ESRRB: variants seen among roughly 807,000 people sequenced by gnomAD.
ESRRB encodes the protein steroid hormone receptor ERR2.
Under a neutral mutation model 46.0 loss-of-function variants are expected in ESRRB, and 16 were observed. The observed-to-expected ratio is 0.35, with a 90% CI of 0.24 to 0.53. The LOEUF is 0.53. Ranked by LOEUF, ESRRB falls within the 20% of genes least tolerant of loss-of-function variation. ESRRB has a pLI of 0.93. For synonymous variants in ESRRB, 246 were observed against 259.6 expected, an observed-to-expected ratio of 0.95 and a Z score of 0.50; for missense variants, 488 against 607.4, an observed-to-expected ratio of 0.80 and a Z score of 2.07.
At chr14:76,377,344 C>T (rs1434146019) in intron 1 of ESRRB, among the ~76,000 whole-genome samples, 3 of 152,130 alleles carry the variant, frequency 2.0e-5, no homozygotes, top group Non-Finnish European at 4.4e-5. Flanking sequence ...TCGGGGATCC[C>T]ACTCTATCCA....
intron 3 of ESRRB, among the ~76,000 whole-genome samples, chr14:76,464,505 C>T (rs1165972931): frequency 2.6e-5 from 4 of 152,314 alleles, no homozygotes; most frequent in East Asian, 3.9e-4. Flanking sequence ...AGGCCCTCGG[C>T]GGCCTTTGTG....
At chr14:76,373,837 G>A (rs1477500739), upstream of ESRRB, among the ~76,000 whole-genome samples, 1 of 152,210 alleles carries the variant, frequency 6.6e-6, no homozygotes, top group Admixed American at 6.5e-5. Context: ...TAGAGGCAGA[G>A]AATAATAGTA....
chr14:76,396,980 C>T (rs1045661930), intron 1 of ESRRB, among the ~76,000 whole-genome samples: 13 of 152,178 alleles, frequency 8.5e-5, no homozygotes, highest in African/African-American at 2.9e-4. Flanking sequence ...TGTGTCTCTG[C>T]GGCCTCTCCT....
intron 1 of ESRRB, among the ~76,000 whole-genome samples, chr14:76,382,742 C>T (rs1043859583): frequency 2.2e-4 from 33 of 152,162 alleles, no homozygotes; most frequent in African/African-American, 7.2e-4. Flanking sequence ...TTGTATAAAT[C>T]TAAAACAAAA....
chr14:76,381,874 AC>A (rs982519726), intron 1 of ESRRB, among the ~76,000 whole-genome samples: 4 of 152,164 alleles, frequency 2.6e-5, no homozygotes, highest in African/African-American at 7.2e-5. Flanking sequence ...ACAAAAGGAC[AC>A]AAAAACACCA....
chr14:76,354,228 C>A (rs1360492783), intron 1 of ESRRB, among the ~76,000 whole-genome samples: 1 of 96,984 alleles, frequency 1.0e-5, no homozygotes, highest in South Asian at 5.4e-4. Context: ...CTACCCGCCC[C>A]CCCCCCCACC....
In ESRRB at chr14:76,500,122, C is replaced by T. The variant is rs1890608474; in HGVS notation, c.*1664C>T. On this transcript the variant is annotated 3_prime_UTR_variant, in exon 7 of 7. Transcript: ENST00000644823. ...CTGGTCCCACCTCCTTGGCTCTACCCCAGGAACCTCCCGGCCTGGGCTTCT... is the reference window on the plus strand; with the variant it reads ...CTGGTCCCACCTCCTTGGCTCTACCTCAGGAACCTCCCGGCCTGGGCTTCT... 7 of 1,440,736 alleles carry T rather than the reference C, an allele frequency of 4.9e-6. No homozygotes were observed. The highest frequency in any genetic ancestry group is 3.9e-5 in the South Asian group (3 of 77,186). 89.2% of individuals were successfully genotyped at this position (1,440,736 alleles called of 1,614,324 possible). A position where few individuals can be genotyped will look rare whatever the true frequency, so the allele number is the denominator to read the frequency against.
chr14:76,403,027 G>A (rs1886009634), intron 1 of ESRRB, among the ~76,000 whole-genome samples: 1 of 152,118 alleles, frequency 6.6e-6, no homozygotes, highest in South Asian at 2.1e-4. Flanking sequence ...CTGGGCTCAA[G>A]CAATCTTCCT....
chr14:76,480,206 C>G (rs1213188349), intron 3 of ESRRB, among the ~76,000 whole-genome samples: 1 of 152,148 alleles, frequency 6.6e-6, no homozygotes, highest in Non-Finnish European at 1.5e-5. Flanking sequence ...GCTGAGTAGA[C>G]TCCCCCTCTC....
chr14:76,419,681 G>A (rs988422831), intron 1 of ESRRB, among the ~76,000 whole-genome samples: 1 of 152,200 alleles, frequency 6.6e-6, no homozygotes, highest in Admixed American at 6.5e-5. Context: ...CACTTTGAAG[G>A]TCGTATTCTA....
At chr14:76,413,954 TCGCCCCTGCACCGTCCC>T (rs1268274540) in intron 1 of ESRRB, among the ~76,000 whole-genome samples, 586 of 21,810 alleles carry the variant, frequency 0.027, 52 homozygotes, top group East Asian at 0.19. Flanking sequence ...GCACCATCCC[TCGCCCCTGCACCGTCCC>T]CGCCCCTGCA....
chr14:76,487,008 G>T (rs1479712783), intron 5 of ESRRB, among the ~76,000 whole-genome samples: 1 of 152,196 alleles, frequency 6.6e-6, no homozygotes, highest in Non-Finnish European at 1.5e-5. Flanking sequence ...AGATGGGACA[G>T]ATGGGTCGAA....
chr14:76,436,519 C>T (rs1194416691), intron 1 of ESRRB, among the ~76,000 whole-genome samples: 2 of 152,110 alleles, frequency 1.3e-5, no homozygotes, highest in Non-Finnish European at 2.9e-5. Context: ...TAGGGTCTTC[C>T]TGTGAAAAGC....
chr14:76,384,201 T>C (rs904327928), intron 1 of ESRRB, among the ~76,000 whole-genome samples: 2 of 152,212 alleles, frequency 1.3e-5, no homozygotes, highest in African/African-American at 4.8e-5. Flanking sequence ...CTTGGGTTTG[T>C]TGACATTGTC....
chr14:76,498,480 G>A lies in ESRRB; in HGVS notation c.*22G>A, dbSNP rs1183769364. 1 of 1,612,994 alleles carries A rather than the reference G, an allele frequency of 6.2e-7. No individual in the cohort carries two copies. Among genetic ancestry groups the A allele is most frequent in the Non-Finnish European group, 8.5e-7 (1 of 1,179,978 alleles). On this transcript the variant is annotated 3_prime_UTR_variant, in exon 7 of 7. Coordinates refer to ENST00000644823, the MANE Select transcript of ESRRB (RefSeq NM_001379180.1). ...GTGATGGCCCCGCACACGGACCAAT[G>A]CCCACCTACAGACAGACAAACGGAC...
chr14:76,439,200 C>T, intron 1 of ESRRB, 141 bp from the exon 2 acceptor site: 1 of 968,736 alleles, frequency 1.0e-6, no homozygotes, highest in Non-Finnish European at 1.6e-6. Flanking sequence ...GAGGGGAGAC[C>T]AGCTGACCTT....
chr14:76,370,509 C>A (rs1350166790), upstream of ESRRB, among the ~76,000 whole-genome samples: 1 of 152,070 alleles, frequency 6.6e-6, no homozygotes, highest in Non-Finnish European at 1.5e-5. Context: ...CTCCACAATC[C>A]ACTGTAATGG....
chr14:76,366,708 A>G (rs1034742840), upstream of ESRRB, among the ~76,000 whole-genome samples: 5 of 152,182 alleles, frequency 3.3e-5, no homozygotes, highest in African/African-American at 9.7e-5. Flanking sequence ...TGGTGGGAGG[A>G]GAGCAAGCCA....
intron 1 of ESRRB, among the ~76,000 whole-genome samples, chr14:76,354,223 C>CA (rs1884349020): frequency 1.4e-5 from 1 of 71,984 alleles, no homozygotes; most frequent in Admixed American, 1.3e-4. Context: ...GTCCTCTACC[C>CA]GCCCCCCCCC....
Sources: gnomAD v4.1 joint callset for allele counts (sites outside exome capture counted in the v4.1 genomes callset) on GRCh38, gnomAD v4.1.1 for gene constraint, MANE v1.5 for transcripts, NCBI Gene and HGNC (gene_info 2026-07-23, HGNC 2026-07-21) for gene names.